TNFAIP6: variants seen among roughly 807,000 people sequenced by gnomAD.
The protein encoded by TNFAIP6 is tumor necrosis factor-inducible gene 6 protein.
Under a neutral mutation model 33.7 loss-of-function variants are expected in TNFAIP6, and 36 were observed. The ratio of observed to expected loss-of-function variants is 1.07; its 90% confidence interval spans 0.82 to 1.41. The LOEUF (loss-of-function observed/expected upper bound fraction) is 1.41. Ranked by LOEUF, TNFAIP6 falls within the 40% of genes most tolerant of loss-of-function variation. The probability of loss-of-function intolerance (pLI) is 0.00; values close to 1 mark genes in which losing one functional copy is unlikely to be tolerated. For synonymous variants in TNFAIP6, 113 were observed against 112.8 expected (o/e 1.00, Z -0.01); for missense variants, 273 against 331.9 (o/e 0.82, Z 1.38).
At chr2:151,375,150 T>C (rs1201163643) in intron 5 of TNFAIP6, among the ~76,000 whole-genome samples, 1 of 142,714 alleles carries the variant, frequency 7.0e-6, no homozygotes, top group Admixed American at 7.1e-5. Context: ...AAAAAAAGTC[T>C]GAAATTTTAC....
At chr2:151,366,031 T>G in intron 2 of TNFAIP6, 25 bp from the exon 3 acceptor site, 1 of 1,613,248 alleles carries the variant, frequency 6.2e-7, no homozygotes, top group South Asian at 1.1e-5. Context: ...ACCTGTTTAG[T>G]CCATAACTCT....
chr2:151,364,258 C>T (rs77864594), intron 2 of TNFAIP6, among the ~76,000 whole-genome samples, 178 bp downstream of exon 2: 5,644 of 152,238 alleles, frequency 0.037, 225 homozygotes, highest in African/African-American at 0.089. Flanking sequence ...CAGACAGTTC[C>T]TAGTACCACC....
downstream of TNFAIP6, among the ~76,000 whole-genome samples, chr2:151,380,337 G>A (rs1399033556): frequency 2.0e-5 from 3 of 151,768 alleles, no homozygotes; most frequent in African/African-American, 7.3e-5. Context: ...CATATATGCT[G>A]TAATTTAATT....
At chr2:151,358,890 A>G (rs1684578125) in intron 1 of TNFAIP6, among the ~76,000 whole-genome samples, 1 of 152,204 alleles carries the variant, frequency 6.6e-6, no homozygotes. Context: ...TTAGTTGAAT[A>G]CAGTCAAATA....
At position 151,361,035 on chromosome 2, in the gene TNFAIP6, T is replaced by C. The variant is rs199678352; in HGVS notation, c.95-2908T>C. Among the ~76,000 whole-genome samples the C allele has an allele frequency of 5.3e-5, 8 of 152,246 alleles. No individual in the cohort carries two copies. The East Asian group carries it at 1.5e-3, about 29-fold the overall frequency. ...TTACTTGGAGGAAAACTTAAAATTATTATTTTTTTAAATCTGTTAATTTTT... is the reference window on the plus strand; with the variant it reads ...TTACTTGGAGGAAAACTTAAAATTACTATTTTTTTAAATCTGTTAATTTTT... On this transcript the variant is annotated intron_variant, in intron 1 of 5. Transcript: ENST00000243347.
At chr2:151,366,022 C>G in intron 2 of TNFAIP6, 34 bp from the exon 3 acceptor site, 1 of 1,606,204 alleles carries the variant, frequency 6.2e-7, no homozygotes, top group East Asian at 2.2e-5. Flanking sequence ...AGACAGTTTA[C>G]CTGTTTAGTC....
Position 151,366,174 on chromosome 2 carries a change from C to T in TNFAIP6, c.351C>T (p.Leu117=). Residue 117 remains leucine, a synonymous_variant, in exon 3 of 6, where the codon CTC becomes CTT. Transcript: ENST00000243347. The stretch of plus-strand genomic sequence containing the variant: ...GCATTATTGATTATGGAATCCGTCT[C>T]AATAGGAGTGAAAGATGGGATGCCT... The part of the protein sequence containing the change: ...KTGIIDYGIR[L]NRSERWDAYC... 6.2e-7 allele frequency: 1 copy of T among 1,614,110 alleles called. No individual in the cohort carries two copies. The highest frequency in any genetic ancestry group is 8.5e-7 in the Non-Finnish European group (1 of 1,179,996).
chr2:151,377,436 T>A (rs775900684), intron 5 of TNFAIP6, among the ~76,000 whole-genome samples: 1 of 152,028 alleles, frequency 6.6e-6, no homozygotes, highest in Non-Finnish European at 1.5e-5. Flanking sequence ...CCCAAAGTGC[T>A]AGGATTACAG....
At chr2:151,374,780 A>G (rs3845844) in intron 5 of TNFAIP6, among the ~76,000 whole-genome samples, 23,213 of 152,162 alleles carry the variant, frequency 0.15, 1,864 homozygotes, top group African/African-American at 0.2. Context: ...AAAACATCTT[A>G]TTGCTGTAGG....
At chr2:151,381,209 C>T (rs1435054526), downstream of TNFAIP6, among the ~76,000 whole-genome samples, 1 of 152,166 alleles carries the variant, frequency 6.6e-6, no homozygotes, top group African/African-American at 2.4e-5. Context: ...CAGTGGCTCA[C>T]TCCTGTAATC....
rs1162778225 is a variant in TNFAIP6, at chr2:151,364,061, A to G, written c.213A>G (p.Leu71=). ...GCCATCTCGCAACTTACAAGCAGCT[A>G]GAGGCAGCCAGAAAAATTGGTAACT... ...EGGHLATYKQ[L]EAARKIGFHV... is the part of the protein sequence containing the mutation. Residue 71 remains leucine (L), a synonymous_variant, in exon 2 of 6, where the codon CTA becomes CTG. Coordinates refer to ENST00000243347, the MANE Select transcript of TNFAIP6 (RefSeq NM_007115.4). 2.5e-6 allele frequency: 4 copies of G among 1,613,154 alleles called. 1 individual carries two copies. The South Asian group carries it at 3.3e-5, about 13-fold the overall frequency.
chr2:151,369,050 A>T (rs1293394138), intron 3 of TNFAIP6, among the ~76,000 whole-genome samples: 1 of 152,162 alleles, frequency 6.6e-6, no homozygotes, highest in African/African-American at 2.4e-5. Flanking sequence ...AAAATTAGCC[A>T]GACGTGGTGG....
chr2:151,363,680 AAACC>A (rs930808164), intron 1 of TNFAIP6, among the ~76,000 whole-genome samples: 9 of 152,128 alleles, frequency 5.9e-5, no homozygotes, highest in African/African-American at 1.9e-4. Flanking sequence ...AACAAAACAA[AAACC>A]AACCAACCAA....
intron 1 of TNFAIP6, among the ~76,000 whole-genome samples, chr2:151,361,494 A>C (rs1684623193): frequency 6.6e-6 from 1 of 152,238 alleles, no homozygotes; most frequent in Admixed American, 6.5e-5. Context: ...TTTGTTTTCA[A>C]ATACAGGTCT....
At chr2:151,374,676 CTCCCTTAAG>C (rs1478340656) in intron 5 of TNFAIP6, among the ~76,000 whole-genome samples, 1 of 152,232 alleles carries the variant, frequency 6.6e-6, no homozygotes, top group African/African-American at 2.4e-5. Flanking sequence ...CTGTTACAAA[CTCCCTTAAG>C]AAAGATAACC....
intron 3 of TNFAIP6, among the ~76,000 whole-genome samples, chr2:151,366,518 T>C (rs16829997): frequency 2.0e-5 from 3 of 152,156 alleles, no homozygotes; most frequent in Non-Finnish European, 4.4e-5. Context: ...CAATAATGAT[T>C]AGGCAGATGG....
At chr2:151,360,013 AG>A (rs1164848282) in intron 1 of TNFAIP6, among the ~76,000 whole-genome samples, 1 of 152,192 alleles carries the variant, frequency 6.6e-6, no homozygotes, top group African/African-American at 2.4e-5. Flanking sequence ...AGGGAAAGGA[AG>A]GTGGGATGCA....
rs34640251 is a variant in TNFAIP6 at position 151,362,480 on chromosome 2, CTTTTTTTTTT to C, written c.95-1442_95-1433del. 2.1e-4 allele frequency among the ~76,000 whole-genome samples: 12 copies of C among 56,942 alleles called. No individual in the cohort carries two copies. The South Asian group carries it at 4.2e-3, about 20-fold the overall frequency. The allele number at this position is 56,942 out of a possible 152,430, so 37.4% of individuals were successfully genotyped here. On this transcript the variant is annotated intron_variant, in intron 1 of 5. Transcript: ENST00000243347. ...CAGTTTTTATTTGTCTTACTAAATT[CTTTTTTTTTT>C]TTTTTTTTTTTTTTTTTTTTGAGAC...
intron 5 of TNFAIP6, among the ~76,000 whole-genome samples, chr2:151,376,886 G>GTT (rs1330121030): frequency 2.2e-3 from 116 of 53,410 alleles, no homozygotes; most frequent in African/African-American, 7.4e-3. Context: ...TTTTTTTTTT[G>GTT]TTTTTTTTGA....
Sources: gnomAD v4.1 joint callset for allele counts (sites outside exome capture counted in the v4.1 genomes callset) on GRCh38, gnomAD v4.1.1 for gene constraint, MANE v1.5 for transcripts, NCBI Gene and HGNC (gene_info 2026-07-23, HGNC 2026-07-21) for gene names.